AFF2: variants seen among roughly 807,000 people sequenced by gnomAD.
AFF2 encodes AF4/FMR2 family member 2.
AFF2 carries 14 observed loss-of-function variants against 76.9 expected under a neutral mutation model. The observed-to-expected ratio is 0.18, with a 90% CI of 0.12 to 0.28. AFF2 has a LOEUF of 0.28. Ranked by LOEUF, AFF2 falls within the 10% of genes least tolerant of loss-of-function variation. AFF2 has a pLI of 1.00. For synonymous variants in AFF2, 398 were observed against 366.7 expected, an observed-to-expected ratio of 1.09 and a Z score of -0.98; for missense variants, 868 against 1,001.1, an observed-to-expected ratio of 0.87 and a Z score of 1.79.
chrX:148,877,403 C>T (rs782661184), intron 7 of AFF2, among the ~76,000 whole-genome samples: 2 of 111,953 alleles, frequency 1.8e-5, no homozygotes, highest in South Asian at 7.5e-4. Context: ...AGCAATCTAC[C>T]TCTTCCCCTA....
intron 7 of AFF2, among the ~76,000 whole-genome samples, chrX:148,846,596 G>T (rs1209095881): frequency 5.4e-5 from 6 of 111,240 alleles, no homozygotes; most frequent in African/African-American, 2.0e-4. Flanking sequence ...ACCAGAAGTT[G>T]GTCTCCCACC....
At chrX:148,706,146 G>A (rs2054881947) in intron 3 of AFF2, among the ~76,000 whole-genome samples, 1 of 111,943 alleles carries the variant, frequency 8.9e-6, no homozygotes, top group African/African-American at 3.2e-5. Flanking sequence ...AATCATTTGT[G>A]CTCTCCAGTA....
intron 1 of AFF2, among the ~76,000 whole-genome samples, chrX:148,504,518 C>T (rs2052386708): frequency 8.9e-6 from 1 of 112,652 alleles, no homozygotes; most frequent in Non-Finnish European, 1.9e-5. Flanking sequence ...TAATTAGAGG[C>T]AAGCTTGCAA....
At position 148,905,500 on chromosome X, in the gene AFF2, G is replaced by A. The variant is rs782448318; in HGVS notation, c.1397+1242G>A. ...CTGTGAGCCTGTGGCTGGCAAGCTC[G>A]GAGAATTAGAGGATGGTGCTAATGA... On this transcript the variant is annotated intron_variant, in intron 9 of 20. Coordinates refer to ENST00000370460, the MANE Select transcript of AFF2 (RefSeq NM_002025.4). 1.8e-4 allele frequency among the ~76,000 whole-genome samples: 20 copies of A among 112,395 alleles called. 1 individual carries two copies. Among genetic ancestry groups the A allele is most frequent in the South Asian group, 1.5e-3 (4 of 2,699 alleles).
At chrX:148,799,049 C>T (rs2070023303) in intron 3 of AFF2, among the ~76,000 whole-genome samples, 1 of 111,491 alleles carries the variant, frequency 9.0e-6, no homozygotes, top group Non-Finnish European at 1.9e-5. Flanking sequence ...TAAGTAAGGC[C>T]CAGGGGAAGT....
intron 7 of AFF2, among the ~76,000 whole-genome samples, chrX:148,853,889 A>G (rs1200721878): frequency 3.6e-5 from 4 of 112,084 alleles, no homozygotes; most frequent in Admixed American, 1.9e-4. Context: ...CCAAGGAAAC[A>G]TTGTTCAATT....
At chrX:148,615,088 G>A in intron 1 of AFF2, among the ~76,000 whole-genome samples, 1 of 110,907 alleles carries the variant, frequency 9.0e-6, no homozygotes, top group East Asian at 2.9e-4. Flanking sequence ...AATTCTTGAA[G>A]GTTTGCAGCA....
chrX:148,760,990 A>T (rs2069432634), intron 3 of AFF2, among the ~76,000 whole-genome samples: 1 of 111,858 alleles, frequency 8.9e-6, no homozygotes, highest in African/African-American at 3.2e-5. Flanking sequence ...TCATCTATTT[A>T]TGTGGCCCTA....
intron 3 of AFF2, among the ~76,000 whole-genome samples, chrX:148,708,912 A>G (rs1204636309): frequency 9.0e-6 from 1 of 111,705 alleles, no homozygotes; most frequent in African/African-American, 3.3e-5. Flanking sequence ...AGAAATTTGC[A>G]TTTTTGATTT....
intron 3 of AFF2, among the ~76,000 whole-genome samples, chrX:148,687,574 G>T (rs990742019): frequency 9.0e-6 from 1 of 110,736 alleles, no homozygotes; most frequent in South Asian, 3.8e-4. Flanking sequence ...TGGTACTTAA[G>T]TAAGAGCTCA....
In AFF2 at chrX:148,894,888, G is replaced by GATAT. The variant is rs201173844; in HGVS notation, c.1359+8906_1359+8907insTATA. ...CAACAGACAAATGGTTAAAATGTGAGATAGATAGATATATATATATATACA... is the reference window on the plus strand; with the variant it reads ...CAACAGACAAATGGTTAAAATGTGAGATATATAGATAGATATATATATATATACA... On this transcript the variant is annotated intron_variant, in intron 8 of 20. Transcript: ENST00000370460. 8.1e-3 allele frequency among the ~76,000 whole-genome samples: 881 copies of GATAT among 108,598 alleles called. 13 individuals are homozygous for GATAT. The highest frequency in any genetic ancestry group is 0.029 in the African/African-American group (834 of 28,434). The allele number at this position is 108,598 out of a possible 115,157, so 94.3% of individuals were successfully genotyped here. A position where few individuals can be genotyped will look rare whatever the true frequency, so the allele number is the denominator to read the frequency against.
chrX:148,513,218 A>T (rs1450061821), intron 1 of AFF2, among the ~76,000 whole-genome samples: 1 of 112,262 alleles, frequency 8.9e-6, no homozygotes, highest in African/African-American at 3.2e-5. Context: ...AAATGTGGGG[A>T]TCACCAAACT....
chrX:148,545,907 A>G (rs2124276090), intron 1 of AFF2, among the ~76,000 whole-genome samples: 1 of 111,709 alleles, frequency 9.0e-6, no homozygotes, highest in East Asian at 2.8e-4. Flanking sequence ...GTTGATTAAC[A>G]TCAATAAATT....
At chrX:148,919,775 A>G (rs1445214602) in intron 9 of AFF2, among the ~76,000 whole-genome samples, 1 of 111,530 alleles carries the variant, frequency 9.0e-6, no homozygotes, top group Non-Finnish European at 1.9e-5. Flanking sequence ...CCTTAATAAA[A>G]AAAAGAAACA....
intron 1 of AFF2, among the ~76,000 whole-genome samples, chrX:148,544,174 A>G (rs782738036): frequency 8.9e-6 from 1 of 112,141 alleles, no homozygotes; most frequent in Non-Finnish European, 1.9e-5. Context: ...CTTGTGTTTT[A>G]TTTCATAGCC....
chrX:148,770,182 C>T (rs782059812), intron 3 of AFF2, among the ~76,000 whole-genome samples: 4 of 111,384 alleles, frequency 3.6e-5, no homozygotes, highest in Non-Finnish European at 7.5e-5. Flanking sequence ...GAAAATCATG[C>T]GTGTGGCATG....
At chrX:148,843,644 C>T (rs782145968) in intron 7 of AFF2, among the ~76,000 whole-genome samples, 3 of 111,714 alleles carry the variant, frequency 2.7e-5, no homozygotes, top group Non-Finnish European at 5.6e-5. Flanking sequence ...CTATAAACAA[C>T]ATGGCTTATA....
chrX:148,641,045 T>C, intron 1 of AFF2, among the ~76,000 whole-genome samples: 1 of 111,911 alleles, frequency 8.9e-6, no homozygotes, highest in Admixed American at 9.5e-5. Flanking sequence ...CATGTGTTAC[T>C]CTGCACTGCA....
chrX:148,871,444 G>A (rs2070974793), intron 7 of AFF2, among the ~76,000 whole-genome samples: 1 of 111,486 alleles, frequency 9.0e-6, no homozygotes, highest in African/African-American at 3.3e-5. Context: ...TTTTTCTTCT[G>A]TTGAAATAGA....
Sources: allele counts gnomAD v4.1 joint callset (sites outside exome capture counted in the v4.1 genomes callset), GRCh38; gene constraint gnomAD v4.1.1; transcripts MANE v1.5; gene names NCBI Gene and HGNC (gene_info 2026-07-23, HGNC 2026-07-21).